COL24A1: variants seen among roughly 807,000 people sequenced by gnomAD.
The protein encoded by COL24A1 is collagen alpha-1(XXIV) chain.
A neutral mutation model predicts 253.9 loss-of-function variants in COL24A1; 224 were observed. The ratio of observed to expected loss-of-function variants is 0.88; its 90% CI spans 0.79 to 0.99. The LOEUF is 0.99. Ranked by LOEUF, COL24A1 falls within the 50% of genes least tolerant of loss-of-function variation. The probability of loss-of-function intolerance (pLI) is 0.00; values close to 1 mark genes in which losing one functional copy is unlikely to be tolerated. For missense variants in COL24A1, 2,131 were observed against 2,068.5 expected (o/e 1.03, Z -0.59); for synonymous variants, 685 against 673.7 (o/e 1.02, Z -0.26).
chr1:86,079,126 A>G lies in COL24A1; in HGVS notation c.1707+10048T>C, dbSNP rs908731429. On this transcript the variant is annotated intron_variant, in intron 7 of 59. Coordinates refer to ENST00000370571, the MANE Select transcript of COL24A1 (RefSeq NM_152890.7). ...ACAGACACACAGACAAAAGTAACAGAATAGAGAACCCAGAAATAAATCCAC... is the reference window on the plus strand; with the variant it reads ...ACAGACACACAGACAAAAGTAACAGGATAGAGAACCCAGAAATAAATCCAC... Among the ~76,000 whole-genome samples the G allele has an allele frequency of 1.5e-4, 23 of 152,306 alleles. No individual in the cohort carries two copies. The East Asian group carries it at 3.3e-3, about 22-fold the overall frequency.
intron 51 of COL24A1, among the ~76,000 whole-genome samples, chr1:85,781,845 G>A (rs560500024): frequency 5.3e-4 from 81 of 152,222 alleles, no homozygotes; most frequent in Middle Eastern, 3.4e-3. Context: ...CTATTATTTG[G>A]TTATGAAGAT....
At chr1:86,094,252 A>G (rs1300455164) in intron 5 of COL24A1, among the ~76,000 whole-genome samples, 2 of 152,174 alleles carry the variant, frequency 1.3e-5, no homozygotes, top group African/African-American at 2.4e-5. Context: ...ATGCCCATCA[A>G]TGATAGACTG....
In COL24A1 at chr1:86,138,111, T is replaced by A. The variant is rs1361736823; in HGVS notation, c.121+8008A>T. ...AACTCATGGCATTTGTACTTACTGT[T>A]CTTTCTTGGGACGCTTTAAACCCGT... On this transcript the variant is annotated intron_variant, in intron 2 of 59. Transcript: ENST00000370571. Among the ~76,000 whole-genome samples, 3 of 152,206 alleles carry A rather than the reference T, an allele frequency of 2.0e-5. No individual in the cohort carries two copies. The East Asian group carries it at 5.8e-4, about 29-fold the overall frequency.
At chr1:85,934,248 A>G (rs1165897084) in intron 24 of COL24A1, among the ~76,000 whole-genome samples, 1 of 152,230 alleles carries the variant, frequency 6.6e-6, no homozygotes, top group Admixed American at 6.5e-5. Flanking sequence ...TTAGAAATGC[A>G]TAACTGAGTC....
intron 19 of COL24A1, among the ~76,000 whole-genome samples, chr1:85,990,988 A>C (rs1023324265): frequency 3.9e-5 from 6 of 152,236 alleles, no homozygotes; most frequent in Admixed American, 3.9e-4. Flanking sequence ...AGGATTAAAA[A>C]AATCTCCATT....
Position 85,729,523 on chromosome 1 carries a change from C to T in COL24A1, c.*1023G>A, listed in dbSNP as rs985001591. On this transcript the variant is annotated 3_prime_UTR_variant, in exon 60 of 60. Transcript: ENST00000370571. ...AGTGAAAGAAAATCAATGAATACTA[C>T]AAAACATATAATTTCTACAAAGCAG... is the stretch of plus-strand genomic sequence containing the variant. 1 of 152,140 alleles carries T rather than the reference C, an allele frequency of 6.6e-6. No individual in the cohort carries two copies. The highest frequency in any genetic ancestry group is 2.4e-5 in the African/African-American group (1 of 41,294). The allele number at this position is 152,140 out of a possible 1,614,324, so 9.4% of individuals were successfully genotyped here.
intron 12 of COL24A1, among the ~76,000 whole-genome samples, chr1:86,038,406 T>G (rs1571698386): frequency 6.6e-6 from 1 of 152,156 alleles, no homozygotes; most frequent in Non-Finnish European, 1.5e-5. Context: ...TTGAGCAGTT[T>G]CTGTCTCCAA....
At chr1:85,731,965 C>A (rs1663518945) in intron 59 of COL24A1, among the ~76,000 whole-genome samples, 1 of 152,048 alleles carries the variant, frequency 6.6e-6, no homozygotes, top group Non-Finnish European at 1.5e-5. Context: ...ACACAACAAC[C>A]ACCACAAAAA....
intron 24 of COL24A1, among the ~76,000 whole-genome samples, chr1:85,935,216 C>T (rs1688160855): frequency 8.5e-6 from 1 of 118,064 alleles, no homozygotes. Flanking sequence ...TTAGATGAGT[C>T]ACCAAAGAGA....
At chr1:85,765,318 C>A in intron 53 of COL24A1, among the ~76,000 whole-genome samples, 1 of 149,006 alleles carries the variant, frequency 6.7e-6, no homozygotes, top group Admixed American at 6.8e-5. Context: ...TATGAAGCAG[C>A]TAATCTGAAA....
chr1:85,804,985 C>T (rs765178528), intron 47 of COL24A1, among the ~76,000 whole-genome samples: 13 of 152,028 alleles, frequency 8.6e-5, no homozygotes, highest in Admixed American at 2.6e-4. Flanking sequence ...TAGCTATAGG[C>T]ACATGCTACA....
chr1:86,132,136 T>C (rs1260967774), intron 2 of COL24A1, among the ~76,000 whole-genome samples: 2 of 152,240 alleles, frequency 1.3e-5, no homozygotes, highest in African/African-American at 2.4e-5. Flanking sequence ...CATTTTTTCA[T>C]GTGTCTGTTG....
chr1:85,864,551 T>C (rs1490853562), intron 37 of COL24A1, among the ~76,000 whole-genome samples: 1 of 152,056 alleles, frequency 6.6e-6, no homozygotes, highest in African/African-American at 2.4e-5. Flanking sequence ...ATATAAAAAA[T>C]AGACATTATA....
chr1:86,065,121 T>C (rs1701375810), intron 7 of COL24A1, among the ~76,000 whole-genome samples: 2 of 152,306 alleles, frequency 1.3e-5, no homozygotes, highest in Admixed American at 1.3e-4. Flanking sequence ...GGAAGTTTCC[T>C]GGAGGATGAC....
intron 13 of COL24A1, 23 bp downstream of exon 13, chr1:86,033,847 C>T: frequency 1.3e-6 from 2 of 1,599,630 alleles, no homozygotes; most frequent in Non-Finnish European, 1.7e-6. Context: ...GAATGCAAGG[C>T]TGAACCAACA....
chr1:86,013,879 T>C (rs1227370451), intron 19 of COL24A1, among the ~76,000 whole-genome samples: 3 of 151,952 alleles, frequency 2.0e-5, no homozygotes, highest in Non-Finnish European at 4.4e-5. Flanking sequence ...TATCCAAAAA[T>C]TACCTTAACC....
chr1:85,960,926 T>TAAAA lies in COL24A1; in HGVS notation c.2562+319_2562+322dup, dbSNP rs774797677. On this transcript the variant is annotated intron_variant, in intron 24 of 59. Transcript: ENST00000370571. ...ATAAATAAATAAATAAATAAATAAA[T>TAAAA]AAAATAGTGAAAAATGTTAAGGTCA... The TAAAA allele has an allele frequency of 1.5e-3, 241 of 165,752 alleles. 2 individuals carry two copies. The highest frequency in any genetic ancestry group is 2.0e-3 in the Non-Finnish European group (167 of 82,594). The allele number at this position is 165,752 out of a possible 1,614,324, so 10.3% of individuals were successfully genotyped here.
intron 10 of COL24A1, among the ~76,000 whole-genome samples, chr1:86,054,957 T>G (rs968398761): frequency 2.6e-5 from 4 of 152,018 alleles, no homozygotes; most frequent in Admixed American, 2.0e-4. Flanking sequence ...AATACTACAG[T>G]GCCATAAAAA....
intron 22 of COL24A1, 70 bp from the exon 23 acceptor site, chr1:85,965,132 G>T: frequency 8.2e-7 from 1 of 1,216,164 alleles, no homozygotes; most frequent in Non-Finnish European, 1.2e-6. Context: ...AGTTTCCTAA[G>T]ATATATGAAA....
Sources: allele counts gnomAD v4.1 joint callset (sites outside exome capture counted in the v4.1 genomes callset), GRCh38; gene constraint gnomAD v4.1.1; transcripts MANE v1.5; gene names NCBI Gene and HGNC (gene_info 2026-07-23, HGNC 2026-07-21).